The following HPSE2 variants were observed in gnomAD, a reference collection of about 807,000 sequenced individuals.
HPSE2 encodes heparanase 2 (inactive).
In HPSE2, 38 loss-of-function variants were observed where a neutral mutation model predicts 60.5. That is an observed-to-expected ratio of 0.63 (90% CI 0.48 to 0.82). The LOEUF (loss-of-function observed/expected upper bound fraction) is 0.82. HPSE2 is among the 40% of genes least tolerant of loss of function. HPSE2 has a pLI of 0.00. For missense variants in HPSE2, 713 were observed against 740.4 expected (o/e 0.96, Z 0.43); for synonymous variants, 295 against 293.2 (o/e 1.01, Z -0.06).
At chr10:98,476,789 A>G (rs1037889780) in intron 11 of HPSE2, among the ~76,000 whole-genome samples, 18 of 150,766 alleles carry the variant, frequency 1.2e-4, no homozygotes, top group Admixed American at 5.3e-4. Context: ...GAGTCTGTCT[A>G]AAAAAAAAGG....
rs572663538 is a variant in HPSE2 at position 98,693,008 on chromosome 10, G to A, written c.1004+892C>T. On this transcript the variant is annotated intron_variant, in intron 6 of 11. Coordinates refer to ENST00000370552, the MANE Select transcript of HPSE2 (RefSeq NM_021828.5). ...TTCACATCTGTAATGAATCCACAGT[G>A]GATAGTGTGACCCACTTCAAACAGA... Among the ~76,000 whole-genome samples, 7 of 152,286 alleles carry A rather than the reference G, an allele frequency of 4.6e-5. No homozygotes were observed. In the South Asian group the frequency reaches 1.2e-3, roughly 27 times the overall value.
At chr10:98,773,356 G>T (rs1950279274) in intron 3 of HPSE2, among the ~76,000 whole-genome samples, 1 of 152,146 alleles carries the variant, frequency 6.6e-6, no homozygotes, top group Non-Finnish European at 1.5e-5. Context: ...CAGTCCAGAA[G>T]GGTGGATAGG....
rs374106948 is a variant in HPSE2, at chr10:99,041,335, C to T, written c.610+102903G>A. 4.6e-5 allele frequency among the ~76,000 whole-genome samples: 7 copies of T among 152,232 alleles called. 1 individual carries two copies. In the East Asian group the frequency reaches 7.7e-4, roughly 17 times the overall value. ...AGGAGCAGAGAGGAGCGAGGCAGAA[C>T]AGCTGCCCACCCAGGATTGTCAGCA... On this transcript the variant is annotated intron_variant, in intron 3 of 11. Coordinates refer to ENST00000370552, the MANE Select transcript of HPSE2 (RefSeq NM_021828.5).
chr10:98,601,030 G>A (rs1421382944), intron 9 of HPSE2, among the ~76,000 whole-genome samples: 1 of 150,986 alleles, frequency 6.6e-6, no homozygotes, highest in Admixed American at 6.6e-5. Flanking sequence ...TGGATGCTGG[G>A]AAGTCCAAAA....
rs146634895 is a variant in HPSE2, at chr10:98,732,581, T to C, written c.785-10753A>G. ...GGTACTGGGAATCTCTATATCCACATGCAAAAAGACTAATTTATAGCCTTA... is the reference window on the plus strand; with the variant it reads ...GGTACTGGGAATCTCTATATCCACACGCAAAAAGACTAATTTATAGCCTTA... On this transcript the variant is annotated intron_variant, in intron 4 of 11. Coordinates refer to ENST00000370552, the MANE Select transcript of HPSE2 (RefSeq NM_021828.5). Among the ~76,000 whole-genome samples, 291 of 152,186 alleles carry C rather than the reference T, an allele frequency of 1.9e-3. 4 individuals carry two copies. The highest frequency in any genetic ancestry group is 6.7e-3 in the African/African-American group (278 of 41,530).
intron 2 of HPSE2, among the ~76,000 whole-genome samples, chr10:99,190,025 A>G (rs532237087): frequency 4.6e-5 from 7 of 152,296 alleles, no homozygotes; most frequent in Admixed American, 3.3e-4. Context: ...CTTTCTCTCT[A>G]TGGGCTTTTT....
intron 2 of HPSE2, among the ~76,000 whole-genome samples, chr10:99,167,274 G>T (rs1847121538): frequency 6.6e-6 from 1 of 152,108 alleles, no homozygotes; most frequent in Non-Finnish European, 1.5e-5. Context: ...CTCCCAAAGT[G>T]CTGGGATTAC....
intron 9 of HPSE2, among the ~76,000 whole-genome samples, chr10:98,531,967 G>C (rs940028646): frequency 7.2e-5 from 11 of 152,186 alleles, no homozygotes; most frequent in Non-Finnish European, 1.6e-4. Flanking sequence ...ACTGTTAGTT[G>C]TTTTTTCATA....
chr10:98,641,404 T>G (rs995399027), intron 7 of HPSE2, among the ~76,000 whole-genome samples: 2 of 152,052 alleles, frequency 1.3e-5, no homozygotes, highest in Admixed American at 6.6e-5. Context: ...TTGGCCAGCA[T>G]GGTGAAACGC....
intron 3 of HPSE2, among the ~76,000 whole-genome samples, chr10:98,852,744 T>G (rs542007647): frequency 5.3e-5 from 8 of 152,330 alleles, no homozygotes; most frequent in Admixed American, 3.3e-4. Context: ...TGTTGTGGTG[T>G]GAGAATAGAA....
chr10:99,096,077 C>A (rs1024743599), intron 3 of HPSE2, among the ~76,000 whole-genome samples: 3 of 152,140 alleles, frequency 2.0e-5, no homozygotes, highest in Non-Finnish European at 2.9e-5. Flanking sequence ...TTTGATATAT[C>A]TTCTTCAAAT....
intron 3 of HPSE2, among the ~76,000 whole-genome samples, chr10:98,884,477 G>A (rs761390018): frequency 1.1e-4 from 16 of 152,102 alleles, no homozygotes; most frequent in Non-Finnish European, 1.9e-4. Flanking sequence ...TGATTCTCTC[G>A]TTAGGGGCTA....
intron 2 of HPSE2, among the ~76,000 whole-genome samples, chr10:99,177,354 G>T (rs1780152870): frequency 6.6e-6 from 1 of 152,082 alleles, no homozygotes; most frequent in South Asian, 2.1e-4. Context: ...AGACCCATCA[G>T]TGTGCTGTAT....
chr10:98,922,285 T>C (rs1954303588), intron 3 of HPSE2, among the ~76,000 whole-genome samples: 1 of 152,172 alleles, frequency 6.6e-6, no homozygotes, highest in Admixed American at 6.5e-5. Context: ...GTTACCAAAT[T>C]GGATAGTGCC....
At chr10:99,006,764 G>C (rs888301483) in intron 3 of HPSE2, among the ~76,000 whole-genome samples, 21 of 152,234 alleles carry the variant, frequency 1.4e-4, no homozygotes, top group African/African-American at 3.1e-4. Flanking sequence ...ATTGAGGCCA[G>C]CTCAGTGCTG....
chr10:98,682,689 A>C (rs2134139998), intron 6 of HPSE2, among the ~76,000 whole-genome samples: 1 of 152,312 alleles, frequency 6.6e-6, no homozygotes, highest in South Asian at 2.1e-4. Flanking sequence ...TCACTTTCAC[A>C]CCATGGTAAA....
At chr10:98,822,744 C>G (rs370831039) in intron 3 of HPSE2, among the ~76,000 whole-genome samples, 114 of 152,290 alleles carry the variant, frequency 7.5e-4, no homozygotes, top group African/African-American at 2.6e-3. Flanking sequence ...TATGCAAACA[C>G]TAACCAAAAG....
intron 3 of HPSE2, among the ~76,000 whole-genome samples, chr10:99,038,495 GT>G (rs761180335): frequency 2.0e-5 from 3 of 152,260 alleles, no homozygotes; most frequent in Non-Finnish European, 4.4e-5. Flanking sequence ...CAGATTAGTT[GT>G]TGCCAGGGTT....
intron 5 of HPSE2, among the ~76,000 whole-genome samples, chr10:98,705,810 G>A (rs1027889480): frequency 1.3e-5 from 2 of 151,992 alleles, no homozygotes; most frequent in Non-Finnish European, 2.9e-5. Flanking sequence ...AATGCATGCC[G>A]GGCTTAAAAC....
Sources: gnomAD v4.1 joint callset for allele counts (sites outside exome capture counted in the v4.1 genomes callset) on GRCh38, gnomAD v4.1.1 for gene constraint, MANE v1.5 for transcripts, NCBI Gene and HGNC (gene_info 2026-07-23, HGNC 2026-07-21) for gene names.